NUMB: variants seen among roughly 807,000 people sequenced by gnomAD.
NUMB encodes the protein protein numb homolog.
NUMB carries 29 observed loss-of-function variants against 59.7 expected under a neutral mutation model. The ratio of observed to expected loss-of-function variants is 0.49; its 90% CI spans 0.36 to 0.66. The LOEUF (loss-of-function observed/expected upper bound fraction) is 0.66. NUMB is among the 30% of genes least tolerant of loss of function. The pLI is 0.00. For missense variants in NUMB, 723 were observed against 822.0 expected (o/e 0.88, Z 1.47); for synonymous variants, 288 against 288.2 (o/e 1.00, Z 0.01).
At position 73,367,344 on chromosome 14, in the gene NUMB, T is replaced by TAGAG. The variant is rs1480182542; in HGVS notation, c.-100-364_-100-363insCTCT. ...ACACATATATACATATATATATATA[T>TAGAG]ATATAGAGAGAGAGAGAGAGAGAGA... On this transcript the variant is annotated intron_variant, in intron 2 of 12. Coordinates refer to ENST00000555238, the MANE Select transcript of NUMB (RefSeq NM_001005743.2). Among the ~76,000 whole-genome samples the TAGAG allele has an allele frequency of 2.9e-3, 248 of 84,144 alleles. 2 individuals are homozygous for TAGAG. The highest frequency in any genetic ancestry group is 0.018 in the African/African-American group (226 of 12,372). 55.2% of individuals were successfully genotyped at this position (84,144 alleles called of 152,430 possible).
At chr14:73,316,462 T>C (rs1260912961) in intron 5 of NUMB, 40 bp from the exon 6 acceptor site, 5 of 1,591,172 alleles carry the variant, frequency 3.1e-6, no homozygotes, top group Non-Finnish European at 8.6e-7. Flanking sequence ...TATTATTGTA[T>C]GGCCTAAATG....
In NUMB at chr14:73,448,845, T is replaced by C. The variant is rs534434525; in HGVS notation, c.-233+9648A>G. Among the ~76,000 whole-genome samples, 14 of 152,264 alleles carry C rather than the reference T, an allele frequency of 9.2e-5. No individual in the cohort carries two copies. The South Asian group carries it at 2.9e-3, about 32-fold the overall frequency. On this transcript the variant is annotated intron_variant, in intron 1 of 12. Transcript: ENST00000555238. Reference sequence around the variant, plus strand: ...AGGACCAGGTACAGTCACATCTTGGTATCTGAGGGGGACTCGATCCAGGAC... The same window carrying C: ...AGGACCAGGTACAGTCACATCTTGGCATCTGAGGGGGACTCGATCCAGGAC...
chr14:73,298,796 G>A (rs935229636), intron 6 of NUMB: 1 of 152,074 alleles, frequency 6.6e-6, no homozygotes, highest in Non-Finnish European at 1.5e-5. Context: ...TGATCCACTC[G>A]GCCTCATCAT....
intron 10 of NUMB, among the ~76,000 whole-genome samples, 189 bp from the exon 11 acceptor site, chr14:73,282,694 A>G (rs1456184077): frequency 6.6e-6 from 1 of 152,216 alleles, no homozygotes; most frequent in Non-Finnish European, 1.5e-5. Flanking sequence ...GGCTTTTCAG[A>G]TGGGAAAGTA....
chr14:73,458,344 C>CCGCCGCCTCCGCCCT (rs1439954618), intron 1 of NUMB, 149 bp downstream of exon 1: 1 of 153,998 alleles, frequency 6.5e-6, no homozygotes, highest in Non-Finnish European at 1.5e-5. Flanking sequence ...GCCGCCGCCC[C>CCGCCGCCTCCGCCCT]CGCCGCCTCC....
Position 73,282,344 on chromosome 14 carries a change from T to C in NUMB, c.1096+15A>G. The C allele has an allele frequency of 6.2e-7, 1 of 1,613,744 alleles. No homozygotes were observed. Among genetic ancestry groups the C allele is most frequent in the Non-Finnish European group, 8.5e-7 (1 of 1,179,838 alleles). ...GTTGTAAAGAGAACAGCTGAGCAGG[T>C]CAGAGGGCACCAACCTTGGAAGGTA... On this transcript the variant is annotated intron_variant, in intron 11 of 12. Transcript: ENST00000555238.
intron 2 of NUMB, among the ~76,000 whole-genome samples, chr14:73,385,038 C>A (rs1039620428): frequency 7.9e-5 from 12 of 151,826 alleles, no homozygotes; most frequent in African/African-American, 2.9e-4. Context: ...GGATTACAGG[C>A]ATGAGCCACC....
At chr14:73,419,140 A>T (rs911866990) in intron 1 of NUMB, among the ~76,000 whole-genome samples, 3 of 152,256 alleles carry the variant, frequency 2.0e-5, no homozygotes, top group African/African-American at 7.2e-5. Context: ...AAACAAATAA[A>T]AAATAAATTC....
chr14:73,372,456 T>C (rs1200871122), intron 2 of NUMB, among the ~76,000 whole-genome samples: 1 of 147,530 alleles, frequency 6.8e-6, no homozygotes, highest in African/African-American at 2.5e-5. Flanking sequence ...AATATACATA[T>C]ATGTGTATTT....
At chr14:73,319,241 T>TGAC (rs1891265081) in intron 5 of NUMB, among the ~76,000 whole-genome samples, 1 of 152,164 alleles carries the variant, frequency 6.6e-6, no homozygotes, top group African/African-American at 2.4e-5. Flanking sequence ...CCAGCCTGGG[T>TGAC]GACAGAGCGA....
At chr14:73,410,843 T>C (rs1052870271) in intron 1 of NUMB, among the ~76,000 whole-genome samples, 1 of 152,240 alleles carries the variant, frequency 6.6e-6, no homozygotes, top group Non-Finnish European at 1.5e-5. Context: ...ATTTATTAGG[T>C]AACCAATATG....
intron 4 of NUMB, among the ~76,000 whole-genome samples, chr14:73,354,943 T>A (rs901078794): frequency 1.3e-5 from 2 of 152,160 alleles, no homozygotes; most frequent in Non-Finnish European, 2.9e-5. Context: ...TAGTTCTATT[T>A]TTTTGCCCCC....
intron 4 of NUMB, among the ~76,000 whole-genome samples, chr14:73,352,621 G>A (rs1263254477): frequency 1.5e-5 from 2 of 136,696 alleles, no homozygotes; most frequent in Non-Finnish European, 3.1e-5. Flanking sequence ...TTCAAGCTTC[G>A]CCTCCCTGGT....
At chr14:73,350,936 T>C (rs974739004) in intron 4 of NUMB, among the ~76,000 whole-genome samples, 1 of 152,230 alleles carries the variant, frequency 6.6e-6, no homozygotes, top group Admixed American at 6.5e-5. Flanking sequence ...ACTGTGATAA[T>C]ATTTTGCTAG....
At chr14:73,363,919 A>C (rs1311055321) in intron 3 of NUMB, among the ~76,000 whole-genome samples, 1 of 152,220 alleles carries the variant, frequency 6.6e-6, no homozygotes, top group Non-Finnish European at 1.5e-5. Context: ...ATTGCACCGG[A>C]CTGGGTGACA....
At chr14:73,318,061 G>A (rs1891183483) in intron 5 of NUMB, among the ~76,000 whole-genome samples, 1 of 152,152 alleles carries the variant, frequency 6.6e-6, no homozygotes, top group South Asian at 2.1e-4. Flanking sequence ...AAGTAATTGG[G>A]TAGTTATCAC....
intron 4 of NUMB, among the ~76,000 whole-genome samples, chr14:73,337,813 G>C (rs1892420955): frequency 2.0e-5 from 3 of 152,104 alleles, no homozygotes; most frequent in Admixed American, 2.0e-4. Context: ...AATATACAAA[G>C]TGGTTAATAT....
chr14:73,430,779 G>A (rs112213845), intron 1 of NUMB, among the ~76,000 whole-genome samples: 41,794 of 151,300 alleles, frequency 0.28, 6,429 homozygotes, highest in African/African-American at 0.39. Flanking sequence ...GTCTCTACTA[G>A]AAAAAAATAC....
intron 2 of NUMB, among the ~76,000 whole-genome samples, chr14:73,387,695 T>G (rs1295050694): frequency 1.4e-5 from 2 of 146,876 alleles, no homozygotes; most frequent in Non-Finnish European, 1.5e-5. Flanking sequence ...ATCATGCTAC[T>G]GCACTCCAGC....
Sources: gnomAD v4.1 joint callset for allele counts (sites outside exome capture counted in the v4.1 genomes callset) on GRCh38, gnomAD v4.1.1 for gene constraint, MANE v1.5 for transcripts, NCBI Gene and HGNC (gene_info 2026-07-23, HGNC 2026-07-21) for gene names.